KCNN2: variants seen among roughly 807,000 people sequenced by gnomAD.
KCNN2 encodes the protein small conductance calcium-activated potassium channel protein 2.
In KCNN2, 24 loss-of-function variants were observed where a neutral mutation model predicts 55.5. That is an observed-to-expected ratio of 0.43 (90% CI 0.31 to 0.61). KCNN2 has a LOEUF of 0.61. Ranked by LOEUF, KCNN2 falls within the 20% of genes least tolerant of loss-of-function variation. KCNN2 has a pLI of 0.08. For missense variants in KCNN2, 754 were observed against 853.6 expected (o/e 0.88, Z 1.45); for synonymous variants, 431 against 336.1 (o/e 1.28, Z -3.09).
At chr5:114,123,638 CAGGCG>C (rs1751871561) in intron 1 of KCNN2, among the ~76,000 whole-genome samples, 2 of 63,670 alleles carry the variant, frequency 3.1e-5, no homozygotes, top group African/African-American at 1.0e-4. Flanking sequence ...GCTGGGATTA[CAGGCG>C]TGAGCCACCG....
intron 4 of KCNN2, among the ~76,000 whole-genome samples, chr5:114,467,725 C>T (rs1250883457): frequency 6.6e-6 from 1 of 151,962 alleles, no homozygotes; most frequent in Admixed American, 6.6e-5. Context: ...TGACAGCTGC[C>T]GTCTTCCGGG....
At chr5:114,450,138 G>A (rs1052948570) in intron 3 of KCNN2, among the ~76,000 whole-genome samples, 3 of 152,220 alleles carry the variant, frequency 2.0e-5, no homozygotes, top group South Asian at 2.1e-4. Context: ...TCAGCTGGCC[G>A]CTACCCATCA....
Position 114,241,772 on chromosome 5 carries a change from A to ATGTG in KCNN2, c.-185+20208_-185+20209insGTGT, listed in dbSNP as rs1561537118. On this transcript the variant is annotated intron_variant, in intron 2 of 10. Transcript: ENST00000512097. The stretch of plus-strand genomic sequence containing the variant: ...TATATGTATATATATACGTATATAT[A>ATGTG]TACATATATACGTATATATATGTAT... Among the ~76,000 whole-genome samples the ATGTG allele has an allele frequency of 1.7e-3, 23 of 13,480 alleles. 4 individuals are homozygous for ATGTG. The East Asian group carries it at 0.045, about 27-fold the overall frequency. 8.8% of individuals were successfully genotyped at this position (13,480 alleles called of 152,430 possible). A position where few individuals can be genotyped will look rare whatever the true frequency, so the allele number is the denominator to read the frequency against.
At chr5:114,281,983 T>C (rs901842918) in intron 2 of KCNN2, among the ~76,000 whole-genome samples, 1 of 152,094 alleles carries the variant, frequency 6.6e-6, no homozygotes, top group Non-Finnish European at 1.5e-5. Flanking sequence ...ATAGTTTTTA[T>C]ATAATTTTCA....
At chr5:114,386,254 C>T (rs1283293481) in intron 2 of KCNN2, among the ~76,000 whole-genome samples, 2 of 150,302 alleles carry the variant, frequency 1.3e-5, no homozygotes, top group Admixed American at 6.6e-5. Context: ...TGCTTGAGAG[C>T]AGTGGAATCT....
At chr5:114,227,672 G>C (rs1754264420) in intron 2 of KCNN2, among the ~76,000 whole-genome samples, 1 of 152,098 alleles carries the variant, frequency 6.6e-6, no homozygotes, top group South Asian at 2.1e-4. Context: ...TAGTGGAAAA[G>C]TAATAAAATT....
At chr5:114,403,654 G>A (rs1177812051) in intron 2 of KCNN2, among the ~76,000 whole-genome samples, 1 of 152,116 alleles carries the variant, frequency 6.6e-6, no homozygotes, top group Non-Finnish European at 1.5e-5. Context: ...AAGAGAGGAA[G>A]ATACTCTTTT....
At chr5:114,247,985 C>T in intron 2 of KCNN2, among the ~76,000 whole-genome samples, 1 of 152,088 alleles carries the variant, frequency 6.6e-6, no homozygotes, top group African/African-American at 2.4e-5. Context: ...CTTCCCTTTT[C>T]TTTGCTTTCC....
At chr5:114,299,580 C>G (rs151021265) in intron 2 of KCNN2, among the ~76,000 whole-genome samples, 1 of 152,294 alleles carries the variant, frequency 6.6e-6, no homozygotes, top group East Asian at 1.9e-4. Flanking sequence ...CTGCTATCCT[C>G]TGGAAAGGAT....
At chr5:114,066,040 CAA>C (rs1269500006) in intron 1 of KCNN2, among the ~76,000 whole-genome samples, 1 of 151,880 alleles carries the variant, frequency 6.6e-6, no homozygotes, top group East Asian at 1.9e-4. Context: ...TTAAGAGAAT[CAA>C]AAGTCTATTT....
In KCNN2 at chr5:114,206,635, G is replaced by T. The variant is rs1454762016; in HGVS notation, c.-270-14845G>T. ...CTCAGAATAGCTCACCAACACTGTGGTGGTGTCACCTTTACTGGTCTCCTT... is the reference window on the plus strand; with the variant it reads ...CTCAGAATAGCTCACCAACACTGTGTTGGTGTCACCTTTACTGGTCTCCTT... On this transcript the variant is annotated intron_variant, in intron 1 of 10. Transcript: ENST00000512097. 2.0e-5 allele frequency among the ~76,000 whole-genome samples: 3 copies of T among 151,978 alleles called. No individual in the cohort carries two copies. The East Asian group carries it at 5.8e-4, about 29-fold the overall frequency.
chr5:114,405,706 GTTTTGTTTTGT>G (rs1486880056), intron 3 of KCNN2, among the ~76,000 whole-genome samples: 2 of 125,272 alleles, frequency 1.6e-5, no homozygotes, highest in Admixed American at 7.9e-5. Context: ...TTTTTGTTTT[GTTTTGTTTTGT>G]TTTTTTTTTT....
chr5:114,361,495 G>T (rs922393097), upstream of KCNN2, among the ~76,000 whole-genome samples: 12 of 152,190 alleles, frequency 7.9e-5, no homozygotes, highest in African/African-American at 2.9e-4. Flanking sequence ...CAAAGCCAGT[G>T]CCCCCGCAGT....
chr5:114,092,906 G>T (rs1751174442), intron 1 of KCNN2, among the ~76,000 whole-genome samples: 1 of 152,176 alleles, frequency 6.6e-6, no homozygotes, highest in Admixed American at 6.5e-5. Flanking sequence ...CCAGGCTTGT[G>T]ATTGGAAGGG....
chr5:114,172,065 G>A (rs750891731), intron 1 of KCNN2, among the ~76,000 whole-genome samples: 1 of 151,858 alleles, frequency 6.6e-6, no homozygotes, highest in South Asian at 2.1e-4. Context: ...CTTGACCAAG[G>A]GAAGGGAAGT....
At chr5:114,094,192 A>C (rs945103783) in intron 1 of KCNN2, among the ~76,000 whole-genome samples, 26 of 152,052 alleles carry the variant, frequency 1.7e-4, no homozygotes, top group African/African-American at 5.3e-4. Context: ...CTTGCACCCT[A>C]GCAGATGGAT....
In KCNN2 at chr5:114,189,779, A is replaced by G. The variant is rs190567592; in HGVS notation, c.-270-31701A>G. On this transcript the variant is annotated intron_variant, in intron 1 of 10. Coordinates refer to the KCNN2 transcript ENST00000512097. ...CGTCTATAGTAGTATAGAACAGAGA[A>G]TCCAGAAAGATACGCACACATACAT... is the stretch of plus-strand genomic sequence containing the variant. Among the ~76,000 whole-genome samples the G allele has an allele frequency of 6.6e-5, 10 of 152,290 alleles. No individual in the cohort carries two copies. In the East Asian group the frequency reaches 1.7e-3, roughly 27 times the overall value.
intron 1 of KCNN2, among the ~76,000 whole-genome samples, chr5:114,177,383 C>T (rs936519282): frequency 3.9e-5 from 6 of 152,030 alleles, no homozygotes; most frequent in Admixed American, 1.3e-4. Flanking sequence ...GTGATCCACC[C>T]GCCTTGGCCT....
intron 2 of KCNN2, among the ~76,000 whole-genome samples, chr5:114,295,604 C>A (rs893510434): frequency 9.2e-5 from 14 of 152,278 alleles, no homozygotes; most frequent in African/African-American, 2.9e-4. Flanking sequence ...CCATCTGTCA[C>A]CCCTTTCTTT....
Sources: gnomAD v4.1 joint callset for allele counts (sites outside exome capture counted in the v4.1 genomes callset) on GRCh38, gnomAD v4.1.1 for gene constraint, MANE v1.5 for transcripts, NCBI Gene and HGNC (gene_info 2026-07-23, HGNC 2026-07-21) for gene names.